Variants in LRIG1 observed in about 807,000 individuals in gnomAD.
LRIG1 encodes the protein leucine rich repeats and immunoglobulin like domains 1, also known as leucine-rich repeats and immunoglobulin-like domains protein 1.
A neutral mutation model predicts 99.2 loss-of-function variants in LRIG1; 48 were observed. The observed-to-expected ratio is 0.48, with a 90% CI of 0.38 to 0.62. The LOEUF is 0.62. LRIG1 is among the 20% of genes least tolerant of loss of function. The pLI, the probability that LRIG1 is intolerant of heterozygous loss-of-function variation, is 0.00. For missense variants in LRIG1, 1,646 were observed against 1,434.4 expected (o/e 1.15, Z -2.38); for synonymous variants, 772 against 596.1 (o/e 1.29, Z -4.30).
intron 1 of LRIG1, among the ~76,000 whole-genome samples, chr3:66,466,300 C>T (rs191305222): frequency 1.3e-5 from 2 of 152,306 alleles, no homozygotes; most frequent in Non-Finnish European, 2.9e-5. Context: ...ACCTCAGCCT[C>T]CCAAAGTGAT....
intron 1 of LRIG1, among the ~76,000 whole-genome samples, chr3:66,474,433 C>T (rs1700671890): frequency 6.6e-6 from 1 of 151,694 alleles, no homozygotes; most frequent in South Asian, 2.1e-4. Context: ...GCAAACCCTG[C>T]CTCCCTGGTT....
chr3:66,455,731 G>A (rs536942697), intron 2 of LRIG1, among the ~76,000 whole-genome samples: 6 of 152,268 alleles, frequency 3.9e-5, no homozygotes, highest in Non-Finnish European at 5.9e-5. Context: ...TATGGGTTTC[G>A]GAAGCAGGGC....
intron 7 of LRIG1, among the ~76,000 whole-genome samples, chr3:66,408,524 C>T (rs1702355625): frequency 1.3e-5 from 2 of 152,162 alleles, no homozygotes; most frequent in Non-Finnish European, 2.9e-5. Context: ...TTCATGCCTT[C>T]CACCAGCTAG....
rs538589422 is a variant in LRIG1, at chr3:66,466,815, G to A, written c.219-4306C>T. Among the ~76,000 whole-genome samples, 8 of 152,350 alleles carry A rather than the reference G, an allele frequency of 5.3e-5. No individual in the cohort carries two copies. In the East Asian group the frequency reaches 1.5e-3, roughly 29 times the overall value. ...TCCTGTCAAAACAATTCATCTGTCA[G>A]TAGGAAAGATGCTGTCAAAAGCATT... is the stretch of plus-strand genomic sequence containing the variant. On this transcript the variant is annotated intron_variant, in intron 1 of 18. Transcript: ENST00000273261.
chr3:66,380,933 T>C (rs999252006), intron 17 of LRIG1, 72 bp from the exon 18 acceptor site: 2 of 1,508,208 alleles, frequency 1.3e-6, no homozygotes, highest in African/African-American at 2.7e-5. Flanking sequence ...GAGGACAGGC[T>C]GCTCAGCTCC....
chr3:66,404,446 C>A (rs1304615444), intron 9 of LRIG1: 2 of 1,149,162 alleles, frequency 1.7e-6, no homozygotes, highest in Non-Finnish European at 2.2e-6. Flanking sequence ...CCTTGGGTGG[C>A]ATCTGCAGAA....
Position 66,500,721 on chromosome 3 carries a change from CGCCGAGTGCCGCTACCGACACCG to C in LRIG1, c.-337_-315del, listed in dbSNP as rs1266848279. The stretch of plus-strand genomic sequence containing the variant: ...CTGCGCTCTTCGTCCGCCCGGGGCA[CGCCGAGTGCCGCTACCGACACCG>C]GCCGAGGGCAGTGCTGCCGCTGCGC... On this transcript the variant is annotated 5_prime_UTR_variant, in exon 1 of 19. Transcript: ENST00000273261. The C allele has an allele frequency of 2.4e-5, 5 of 204,506 alleles. No individual in the cohort carries two copies. Among genetic ancestry groups the C allele is most frequent in the African/African-American group, 4.6e-5 (2 of 43,098 alleles). The allele number at this position is 204,506 out of a possible 1,614,324, so 12.7% of individuals were successfully genotyped here.
chr3:66,434,933 ATT>A (rs1703303378), intron 3 of LRIG1, among the ~76,000 whole-genome samples: 1 of 152,178 alleles, frequency 6.6e-6, no homozygotes, highest in Non-Finnish European at 1.5e-5. Context: ...ACTCCTGGGC[ATT>A]TATCCCAGAG....
intron 3 of LRIG1, among the ~76,000 whole-genome samples, chr3:66,441,398 C>T (rs9877732): frequency 6.6e-6 from 1 of 151,902 alleles, no homozygotes; most frequent in Non-Finnish European, 1.5e-5. Flanking sequence ...CGAGACCTGA[C>T]GACAAGAGTG....
chr3:66,380,737 C>A lies in LRIG1; in HGVS notation c.2895G>T (p.Pro965=). Residue 965 remains proline, a synonymous_variant, in exon 18 of 19, where the codon CCG becomes CCT. Coordinates refer to ENST00000273261, the MANE Select transcript of LRIG1 (RefSeq NM_015541.3). ...GCTCTTGGTCACTCCCACCCGGCTC[C>A]GGGCCATTTGGCGCACTTGGCTGTG... The part of the protein sequence containing the change: ...DSAQPSAPNG[P]EPGGSDQEHS... The A allele has an allele frequency of 6.2e-7, 1 of 1,614,208 alleles. No individual in the cohort carries two copies. The highest frequency in any genetic ancestry group is 1.1e-5 in the South Asian group (1 of 91,090).
At chr3:66,418,798 C>T (rs1212481583) in intron 3 of LRIG1, among the ~76,000 whole-genome samples, 2 of 152,066 alleles carry the variant, frequency 1.3e-5, no homozygotes, top group Non-Finnish European at 2.9e-5. Flanking sequence ...TGGGGCTTCT[C>T]GTGGACTCCT....
chr3:66,494,845 T>C (rs1054735865), intron 1 of LRIG1, among the ~76,000 whole-genome samples: 1 of 152,198 alleles, frequency 6.6e-6, no homozygotes, highest in Non-Finnish European at 1.5e-5. Flanking sequence ...ATAAGAATGG[T>C]CATGTATCAA....
rs1432901120 is a variant in LRIG1, at chr3:66,387,113, A to G, written c.1469-812T>C. 3 of 149,784 alleles carry G rather than the reference A, an allele frequency of 2.0e-5. No individual in the cohort carries two copies. The Admixed American group carries it at 2.0e-4, about 10-fold the overall frequency. The allele number at this position is 149,784 out of a possible 1,614,324, so 9.3% of individuals were successfully genotyped here. A position where few individuals can be genotyped will look rare whatever the true frequency, so the allele number is the denominator to read the frequency against. The stretch of plus-strand genomic sequence containing the variant: ...AGGAGAAGCCCTAGCCCCAGGGCAC[A>G]TGACTACAACAATCAGTAGCCACTG... On this transcript the variant is annotated intron_variant, in intron 12 of 18. Coordinates refer to ENST00000273261, the MANE Select transcript of LRIG1 (RefSeq NM_015541.3).
chr3:66,475,196 C>G (rs1173841020), intron 1 of LRIG1, among the ~76,000 whole-genome samples: 1 of 152,186 alleles, frequency 6.6e-6, no homozygotes, highest in Non-Finnish European at 1.5e-5. Context: ...ACTCCTTTGA[C>G]AAATCGAGGT....
chr3:66,489,462 T>C (rs1160744542), intron 1 of LRIG1, among the ~76,000 whole-genome samples: 1 of 151,984 alleles, frequency 6.6e-6, no homozygotes, highest in African/African-American at 2.4e-5. Context: ...GTCACGGCTA[T>C]AGTGAGCCAT....
At chr3:66,422,363 A>G (rs1702847678) in intron 3 of LRIG1, among the ~76,000 whole-genome samples, 1 of 152,204 alleles carries the variant, frequency 6.6e-6, no homozygotes, top group African/African-American at 2.4e-5. Flanking sequence ...CACCCAAGTC[A>G]CATCTTTAAT....
intron 1 of LRIG1, among the ~76,000 whole-genome samples, chr3:66,481,002 G>A (rs866600071): frequency 1.6e-4 from 24 of 152,184 alleles, no homozygotes; most frequent in Admixed American, 1.0e-3. Context: ...CTGGGAGGGT[G>A]GGGGTGTGAA....
chr3:66,427,241 C>T (rs1266865457), intron 3 of LRIG1, among the ~76,000 whole-genome samples: 2 of 152,212 alleles, frequency 1.3e-5, no homozygotes, highest in South Asian at 2.1e-4. Context: ...ACATACAGCA[C>T]GCACTCAAAA....
chr3:66,425,677 A>G (rs57163116), intron 3 of LRIG1, among the ~76,000 whole-genome samples: 5,783 of 152,202 alleles, frequency 0.038, 369 homozygotes, highest in African/African-American at 0.13. Context: ...ACCAGACAAA[A>G]CCAGTGATTC....
Sources: allele counts gnomAD v4.1 joint callset (sites outside exome capture counted in the v4.1 genomes callset), GRCh38; gene constraint gnomAD v4.1.1; transcripts MANE v1.5; gene names NCBI Gene and HGNC (gene_info 2026-07-23, HGNC 2026-07-21).